SRGAP1: variants seen among roughly 807,000 people sequenced by gnomAD.
The protein encoded by SRGAP1 is SLIT-ROBO Rho GTPase activating protein 1.
In SRGAP1, 43 loss-of-function variants were observed where a neutral mutation model predicts 121.9. That is an observed-to-expected ratio of 0.35 (90% CI 0.28 to 0.46). The LOEUF is 0.46. Among genes scored for constraint, SRGAP1 ranks in the 20% least tolerant of loss-of-function variants. The pLI, the probability that SRGAP1 is intolerant of heterozygous loss-of-function variation, is 1.00. For missense variants in SRGAP1, 1,102 were observed against 1,350.9 expected (o/e 0.82, Z 2.89); for synonymous variants, 447 against 485.4 (o/e 0.92, Z 1.04).
At chr12:63,935,536 A>C (rs1011581405) in intron 1 of SRGAP1, among the ~76,000 whole-genome samples, 2 of 152,224 alleles carry the variant, frequency 1.3e-5, no homozygotes, top group African/African-American at 4.8e-5. Context: ...TTTAAGCAGT[A>C]GAATGGCTTC....
intron 1 of SRGAP1, among the ~76,000 whole-genome samples, chr12:63,858,049 CTTCTTT>C (rs901647127): frequency 2.0e-5 from 3 of 152,080 alleles, no homozygotes; most frequent in South Asian, 2.1e-4. Flanking sequence ...TGAATGTTAC[CTTCTTT>C]TTCTTTTTGA....
intron 1 of SRGAP1, among the ~76,000 whole-genome samples, chr12:63,902,416 A>G (rs1327553802): frequency 6.6e-6 from 1 of 152,190 alleles, no homozygotes; most frequent in Non-Finnish European, 1.5e-5. Flanking sequence ...AAAGAGATTA[A>G]TCAACTTAAT....
At chr12:63,904,737 C>T (rs1208252041) in intron 1 of SRGAP1, among the ~76,000 whole-genome samples, 1 of 152,030 alleles carries the variant, frequency 6.6e-6, no homozygotes, top group Non-Finnish European at 1.5e-5. Flanking sequence ...TGAAGACCAA[C>T]GTGGTCAACT....
intron 1 of SRGAP1, among the ~76,000 whole-genome samples, chr12:63,854,228 C>G (rs1899165468): frequency 6.6e-6 from 1 of 152,134 alleles, no homozygotes; most frequent in Non-Finnish European, 1.5e-5. Context: ...CCTTTGTTTT[C>G]TGTAAAGCTT....
intron 1 of SRGAP1, among the ~76,000 whole-genome samples, chr12:63,921,806 A>T (rs552521559): frequency 6.6e-5 from 10 of 152,264 alleles, no homozygotes; most frequent in African/African-American, 2.4e-4. Context: ...GGATTGCTCA[A>T]ATATCTGAAT....
chr12:63,904,711 G>C (rs941005998), intron 1 of SRGAP1, among the ~76,000 whole-genome samples: 2 of 152,054 alleles, frequency 1.3e-5, no homozygotes, highest in Non-Finnish European at 2.9e-5. Flanking sequence ...TGGGAGGATC[G>C]CTTGAGTCCA....
intron 1 of SRGAP1, among the ~76,000 whole-genome samples, chr12:63,873,598 A>G (rs1239110279): frequency 6.6e-6 from 1 of 151,904 alleles, no homozygotes; most frequent in Non-Finnish European, 1.5e-5. Context: ...CAGAGATGAC[A>G]TAACTAGTGA....
intron 1 of SRGAP1, among the ~76,000 whole-genome samples, chr12:63,891,464 C>G (rs1221685297): frequency 6.6e-6 from 1 of 152,216 alleles, no homozygotes; most frequent in Admixed American, 6.5e-5. Flanking sequence ...TGAACCACTT[C>G]TGTGGCTGGC....
rs376637442 is a variant in SRGAP1 at position 64,043,497 on chromosome 12, C to T, written c.723C>T (p.Asn241=). The change falls in exon 6 of 22, where the codon AAC becomes AAT. Residue 241 remains asparagine (N), a synonymous_variant. Coordinates refer to ENST00000355086, the MANE Select transcript of SRGAP1 (RefSeq NM_020762.4). ...AGCTAAAATCAATTAAGGCACGGAA[C>T]GAATATCTCCTAACACTTGAAGCCA... ...ENKLKSIKAR[N]EYLLTLEATN... 25 of 1,612,226 alleles carry T rather than the reference C, an allele frequency of 1.6e-5. No homozygotes were observed. In the African/African-American group the frequency reaches 1.9e-4, roughly 12 times the overall value.
intron 8 of SRGAP1, among the ~76,000 whole-genome samples, chr12:64,075,798 A>G (rs1181256902): frequency 1.3e-5 from 2 of 152,094 alleles, no homozygotes; most frequent in Non-Finnish European, 2.9e-5. Context: ...AACCCCAGGA[A>G]TGATTATTGT....
chr12:64,044,674 CTTTTTTT>C (rs558248193), intron 6 of SRGAP1, among the ~76,000 whole-genome samples: 2,946 of 72,138 alleles, frequency 0.041, 132 homozygotes, highest in Non-Finnish European at 0.052. Context: ...TGATGTGCCT[CTTTTTTT>C]TTTTTTTTTT....
intron 1 of SRGAP1, among the ~76,000 whole-genome samples, chr12:63,972,119 C>T (rs772403517): frequency 2.0e-5 from 3 of 152,090 alleles, no homozygotes; most frequent in Non-Finnish European, 4.4e-5. Context: ...TTTGGGAGGC[C>T]GAGGTGGGAG....
intron 16 of SRGAP1, 156 bp downstream of exon 16, chr12:64,109,193 A>C (rs1223174862): frequency 2.3e-6 from 1 of 427,872 alleles, no homozygotes; most frequent in Non-Finnish European, 4.0e-6. Context: ...ATTTTTCCTC[A>C]GCAGATCAAC....
chr12:63,937,388 A>G (rs1002330087), intron 1 of SRGAP1, among the ~76,000 whole-genome samples: 4 of 152,220 alleles, frequency 2.6e-5, no homozygotes, highest in East Asian at 1.9e-4. Context: ...ATAATCTACT[A>G]TAGAACTTGA....
At chr12:63,888,881 A>G (rs1900481237) in intron 1 of SRGAP1, among the ~76,000 whole-genome samples, 1 of 152,218 alleles carries the variant, frequency 6.6e-6, no homozygotes, top group Non-Finnish European at 1.5e-5. Context: ...CTGGGCCACA[A>G]CACAACAAGA....
intron 1 of SRGAP1, among the ~76,000 whole-genome samples, chr12:63,930,184 G>A (rs977577266): frequency 2.0e-5 from 3 of 151,878 alleles, no homozygotes; most frequent in Non-Finnish European, 1.5e-5. Context: ...ACAGAAATTC[G>A]TAACACTCAA....
chr12:63,991,573 A>G (rs992256238), intron 3 of SRGAP1, among the ~76,000 whole-genome samples: 3 of 152,226 alleles, frequency 2.0e-5, no homozygotes, highest in African/African-American at 7.2e-5. Context: ...TAATTTAGAC[A>G]GAGCTGTGAA....
At chr12:63,941,218 T>G (rs1028425911) in intron 1 of SRGAP1, among the ~76,000 whole-genome samples, 4 of 152,044 alleles carry the variant, frequency 2.6e-5, no homozygotes, top group African/African-American at 7.2e-5. Flanking sequence ...TCCTACTGTT[T>G]GCGCTTTTGC....
At chr12:64,024,167 C>T (rs1219339983) in intron 4 of SRGAP1, among the ~76,000 whole-genome samples, 1 of 152,134 alleles carries the variant, frequency 6.6e-6, no homozygotes, top group Non-Finnish European at 1.5e-5. Context: ...TGTGGTGATT[C>T]ACGTCTGTAA....
Sources: allele counts gnomAD v4.1 joint callset (sites outside exome capture counted in the v4.1 genomes callset), GRCh38; gene constraint gnomAD v4.1.1; transcripts MANE v1.5; gene names NCBI Gene and HGNC (gene_info 2026-07-23, HGNC 2026-07-21).